Variants in PSG5 observed in about 807,000 individuals in gnomAD.
PSG5 encodes the protein pregnancy specific beta-1-glycoprotein 5.
A neutral mutation model predicts 37.7 loss-of-function variants in PSG5; 53 were observed. The ratio of observed to expected loss-of-function variants is 1.41; its 90% CI spans 1.13 to 1.77. The LOEUF is 1.77. PSG5 is among the 40% of genes most tolerant of loss of function. The pLI, the probability that PSG5 is intolerant of heterozygous loss-of-function variation, is 0.00. For missense variants in PSG5, 547 were observed against 405.2 expected (o/e 1.35, Z -3.00); for synonymous variants, 221 against 155.4 (o/e 1.42, Z -3.14).
intron 2 of PSG5, chr19:43,179,209 C>T (rs1227326518): frequency 1.3e-6 from 2 of 1,520,782 alleles, no homozygotes; most frequent in Non-Finnish European, 9.0e-7. Flanking sequence ...TTGATTCCTC[C>T]AAAGGCACTT....
At position 43,177,403 on chromosome 19, in the gene PSG5, C is replaced by T. The variant is rs951926909; in HGVS notation, c.431-1255G>A. Reference sequence around the variant, plus strand: ...TCATATACTTACTGGTTTAGCATCCCAAATCTGAAAGATTCAAAATCTAAA... The same window carrying T: ...TCATATACTTACTGGTTTAGCATCCTAAATCTGAAAGATTCAAAATCTAAA... On this transcript the variant is annotated intron_variant, in intron 2 of 5. Coordinates refer to ENST00000342951, the MANE Select transcript of PSG5 (RefSeq NM_002781.4). Among the ~76,000 whole-genome samples the T allele has an allele frequency of 4.7e-4, 71 of 151,546 alleles. 2 individuals carry two copies. The highest frequency in any genetic ancestry group is 4.6e-3 in the Admixed American group (70 of 15,172).
chr19:43,170,509 G>T (rs2122199054), intron 4 of PSG5: 1 of 446,390 alleles, frequency 2.2e-6, no homozygotes, highest in Non-Finnish European at 4.4e-6. Context: ...GACTCTGTCA[G>T]GTCTCCATGG....
rs1167243962 is a variant in PSG5, at chr19:43,185,051, A to T, written c.161T>A (p.Leu54His). The change falls in exon 2 of 6, where the codon CTT (leucine) becomes CAT (histidine). Residue 54 changes from leucine to histidine, a missense_variant. Leu to His is a moderately conservative substitution (Grantham distance 99). Transcript: ENST00000342951. ...AAGATTCTGAGGCAAATTGTGGACAAGTAGAAGAACATCCTTCCCCTCGGA... is the reference window on the plus strand; with the variant it reads ...AAGATTCTGAGGCAAATTGTGGACATGTAGAAGAACATCCTTCCCCTCGGA... ...KVSEGKDVLL[L>H]VHNLPQNLAG... 2 of 1,612,598 alleles carry T rather than the reference A, an allele frequency of 1.2e-6. No individual in the cohort carries two copies. The highest frequency in any genetic ancestry group is 1.3e-5 in the African/African-American group (1 of 74,642).
chr19:43,186,248 T>C lies in PSG5; in HGVS notation c.64+94A>G, dbSNP rs1966937561. 3 of 1,585,816 alleles carry C rather than the reference T, an allele frequency of 1.9e-6. No individual in the cohort carries two copies. The South Asian group carries it at 3.3e-5, about 18-fold the overall frequency. On this transcript the variant is annotated intron_variant, in intron 1 of 5. Coordinates refer to ENST00000342951, the MANE Select transcript of PSG5 (RefSeq NM_002781.4). ...ACCTCATCCTCCCAAAGTGCTGGCTTCTTTTATTTTTTAGAACCCCATCCT... is the reference window on the plus strand; with the variant it reads ...ACCTCATCCTCCCAAAGTGCTGGCTCCTTTTATTTTTTAGAACCCCATCCT...
chr19:43,171,995 AAAAGAAAAAGAAAG>A lies in PSG5; in HGVS notation c.965-1871_965-1858del, dbSNP rs1247201798. On this transcript the variant is annotated intron_variant, in intron 4 of 5. Transcript: ENST00000342951. ...CCGTCCCTCTCTTCAAAAAAAAAAA[AAAAGAAAAAGAAAG>A]AAAGAAAAATGAAGCGATTACTACC... Among the ~76,000 whole-genome samples the A allele has an allele frequency of 1.5e-3, 225 of 150,580 alleles. 2 individuals are homozygous for A. The highest frequency in any genetic ancestry group is 5.1e-3 in the African/African-American group (209 of 40,842).
At chr19:43,179,431 A>T (rs1246889740) in intron 2 of PSG5, among the ~76,000 whole-genome samples, 1 of 151,532 alleles carries the variant, frequency 6.6e-6, no homozygotes, top group Non-Finnish European at 1.5e-5. Flanking sequence ...GCAGTCACAG[A>T]CCCGATGCCT....
chr19:43,173,404 A>C (rs1968943066), intron 4 of PSG5, among the ~76,000 whole-genome samples: 1 of 151,726 alleles, frequency 6.6e-6, no homozygotes, highest in Admixed American at 6.6e-5. Flanking sequence ...CATTATCAAG[A>C]AAGTAAAAAG....
At chr19:43,178,439 T>C (rs7250858) in intron 2 of PSG5, among the ~76,000 whole-genome samples, 27,800 of 150,230 alleles carry the variant, frequency 0.19, 2,564 homozygotes, top group Non-Finnish European at 0.25. Flanking sequence ...TGTATGGTAA[T>C]AGGTGTATGA....
At position 43,175,267 on chromosome 19, in the gene PSG5, A is replaced by T. The variant is rs1378499057; in HGVS notation, c.912T>A (p.Arg304=). 2 of 1,612,774 alleles carry T rather than the reference A, an allele frequency of 1.2e-6. No homozygotes were observed. The highest frequency in any genetic ancestry group is 1.1e-5 in the South Asian group (1 of 91,058). The change falls in exon 4 of 6, where the codon CGT becomes CGA. Residue 304 remains arginine (R), a synonymous_variant. Coordinates refer to ENST00000342951, the MANE Select transcript of PSG5 (RefSeq NM_002781.4). The part of the protein sequence containing the change: ...KHRGLYTCSV[R]NSATGKESSK... Reference sequence around the variant, plus strand: ...AGCTTTCCTTGCCAGTAGCTGAGTTACGAACAGAGCAAGTATAGAGCCCTC... The same window carrying T: ...AGCTTTCCTTGCCAGTAGCTGAGTTTCGAACAGAGCAAGTATAGAGCCCTC...
In PSG5 at chr19:43,182,243, G is replaced by A. The variant is rs141503883; in HGVS notation, c.430+2539C>T. ...GACCATGAGATTAAGATTATAGGAG[G>A]GAACTGAATTCTGCTAAAATGTTGG... On this transcript the variant is annotated intron_variant, in intron 2 of 5. Coordinates refer to ENST00000342951, the MANE Select transcript of PSG5 (RefSeq NM_002781.4). Among the ~76,000 whole-genome samples, 259 of 151,798 alleles carry A rather than the reference G, an allele frequency of 1.7e-3. 5 individuals are homozygous for A. The highest frequency in any genetic ancestry group is 5.9e-3 in the African/African-American group (243 of 41,310).
In PSG5 at chr19:43,172,158, T is replaced by C. The variant is rs549105038; in HGVS notation, c.965-2020A>G. 3.3e-5 allele frequency among the ~76,000 whole-genome samples: 5 copies of C among 151,502 alleles called. No homozygotes were observed. In the South Asian group the frequency reaches 1.0e-3, roughly 31 times the overall value. ...AAAATATGAATAGAACTATAATCAG[T>C]AATAAGATTGAATCAATAAAAGCAT... On this transcript the variant is annotated intron_variant, in intron 4 of 5. Transcript: ENST00000342951.
At chr19:43,176,685 C>G (rs2122218711) in intron 2 of PSG5, among the ~76,000 whole-genome samples, 1 of 150,760 alleles carries the variant, frequency 6.6e-6, no homozygotes, top group African/African-American at 2.5e-5. Context: ...CAGGAGAGAC[C>G]AGAGTCAAGC....
At chr19:43,182,109 G>A (rs181176692) in intron 2 of PSG5, among the ~76,000 whole-genome samples, 1 of 151,660 alleles carries the variant, frequency 6.6e-6, no homozygotes, top group Non-Finnish European at 1.5e-5. Flanking sequence ...GGCTAACCTT[G>A]GGAGGAATTT....
chr19:43,180,032 C>T (rs1969094943), intron 2 of PSG5, among the ~76,000 whole-genome samples: 1 of 151,682 alleles, frequency 6.6e-6, no homozygotes, highest in Non-Finnish European at 1.5e-5. Context: ...CCCTCATGGA[C>T]CATATGTGTT....
chr19:43,184,093 C>T (rs1969190756), intron 2 of PSG5, among the ~76,000 whole-genome samples: 1 of 151,702 alleles, frequency 6.6e-6, no homozygotes, highest in African/African-American at 2.4e-5. Flanking sequence ...TCTGTTTATG[C>T]TTCTGGGGAC....
chr19:43,185,062 A>G lies in PSG5; in HGVS notation c.150T>C (p.Asp50=). 1 of 1,612,590 alleles carries G rather than the reference A, an allele frequency of 6.2e-7. No homozygotes were observed. The highest frequency in any genetic ancestry group is 8.5e-7 in the Non-Finnish European group (1 of 1,179,154). Residue 50 remains aspartate (D), a synonymous_variant, in exon 2 of 6, where the codon GAT becomes GAC. Coordinates refer to ENST00000342951, the MANE Select transcript of PSG5 (RefSeq NM_002781.4). ...ALPPKVSEGK[D]VLLLVHNLPQ... ...GCAAATTGTGGACAAGTAGAAGAAC[A>G]TCCTTCCCCTCGGAAACTTTGGGTG...
intron 2 of PSG5, chr19:43,183,334 G>C (rs1046884617): frequency 1.8e-5 from 9 of 487,458 alleles, no homozygotes; most frequent in African/African-American, 1.4e-4. Context: ...GGTGTGGCTA[G>C]AACCTCCTAG....
In PSG5 at chr19:43,175,311, G is replaced by A. The variant is rs909221303; in HGVS notation, c.868C>T (p.Gln290Ter). 6.2e-7 allele frequency: 1 copy of A among 1,612,786 alleles called. No individual in the cohort carries two copies. Among genetic ancestry groups the A allele is most frequent in the Non-Finnish European group, 8.5e-7 (1 of 1,179,218 alleles). ...QQSGQKLSIP[Q>*]ITTKHRGLYT... is the part of the protein sequence containing the mutation. ...AGCCCTCTATGCTTTGTAGTAATTT[G>A]GGGGATAGAGAGCTTTTGTCCTGAT... The change falls in exon 4 of 6, where the codon CAA becomes TAA. Residue 290 changes from glutamine (Q) to a stop codon, truncating the protein, a stop_gained. Coordinates refer to ENST00000342951, the MANE Select transcript of PSG5 (RefSeq NM_002781.4). LOFTEE classifies it high-confidence loss of function.
chr19:43,169,325 T>G (rs1171412281), intron 5 of PSG5, among the ~76,000 whole-genome samples: 1 of 151,660 alleles, frequency 6.6e-6, no homozygotes, highest in Non-Finnish European at 1.5e-5. Context: ...GAGTCTCAGG[T>G]TCACATGTTA....
Sources: allele counts gnomAD v4.1 joint callset (sites outside exome capture counted in the v4.1 genomes callset), GRCh38; gene constraint gnomAD v4.1.1; transcripts MANE v1.5; gene names NCBI Gene and HGNC (gene_info 2026-07-23, HGNC 2026-07-21).